Variants in CNTN5 observed in about 807,000 individuals in gnomAD.
CNTN5 encodes the protein contactin 5.
Under a neutral mutation model 129.1 loss-of-function variants are expected in CNTN5, and 77 were observed. The ratio of observed to expected loss-of-function variants is 0.60; its 90% CI spans 0.50 to 0.72. The LOEUF is 0.72. CNTN5 is among the 30% of genes least tolerant of loss of function. The pLI is 0.00. For missense variants in CNTN5, 1,478 were observed against 1,328.8 expected, an observed-to-expected ratio of 1.11 and a Z score of -1.75; for synonymous variants, 509 against 465.6, an observed-to-expected ratio of 1.09 and a Z score of -1.20.
chr11:99,693,082 A>G (rs965440418), intron 3 of CNTN5, among the ~76,000 whole-genome samples: 1 of 152,140 alleles, frequency 6.6e-6, no homozygotes, highest in Non-Finnish European at 1.5e-5. Context: ...TAAAAATTAC[A>G]TAAGCAAGCA....
At chr11:100,077,432 A>G (rs377538138) in intron 13 of CNTN5, among the ~76,000 whole-genome samples, 3 of 152,292 alleles carry the variant, frequency 2.0e-5, no homozygotes, top group East Asian at 3.9e-4. Context: ...GGTTCATTCC[A>G]AAGAACTATT....
chr11:99,036,331 A>C (rs10892671), intron 1 of CNTN5, among the ~76,000 whole-genome samples: 2 of 151,602 alleles, frequency 1.3e-5, no homozygotes, highest in Non-Finnish European at 2.9e-5. Context: ...ATGGAGTTTC[A>C]CTCCCTCAGA....
In CNTN5 at chr11:99,939,117, T is replaced by C. The variant is rs1457507524; in HGVS notation, c.674-17689T>C. Reference sequence around the variant, plus strand: ...AAAAAAATTTAAAAAGATGAACTCATAAGTCAACAAAATACCTTAAAATGG... The same window carrying C: ...AAAAAAATTTAAAAAGATGAACTCACAAGTCAACAAAATACCTTAAAATGG... On this transcript the variant is annotated intron_variant, in intron 7 of 24. Coordinates refer to ENST00000524871, the MANE Select transcript of CNTN5 (RefSeq NM_014361.4). Among the ~76,000 whole-genome samples, 3 of 152,080 alleles carry C rather than the reference T, an allele frequency of 2.0e-5. No homozygotes were observed. In the East Asian group the frequency reaches 5.8e-4, roughly 29 times the overall value.
intron 1 of CNTN5, among the ~76,000 whole-genome samples, chr11:99,264,034 G>T (rs1417944560): frequency 2.0e-5 from 3 of 151,754 alleles, no homozygotes; most frequent in South Asian, 2.1e-4. Flanking sequence ...ATAGACCCTT[G>T]CGATTGAGAA....
chr11:100,100,063 C>T (rs551994673), intron 13 of CNTN5, among the ~76,000 whole-genome samples: 10 of 152,104 alleles, frequency 6.6e-5, no homozygotes, highest in East Asian at 3.9e-4. Flanking sequence ...TTATCTTTTC[C>T]GTTGGTATAA....
intron 13 of CNTN5, among the ~76,000 whole-genome samples, chr11:100,181,621 A>G (rs1432729733): frequency 1.3e-5 from 2 of 152,004 alleles, no homozygotes; most frequent in African/African-American, 2.4e-5. Context: ...AAAAATATCA[A>G]TATGCTGGTT....
At chr11:99,061,914 C>A (rs1009988499) in intron 1 of CNTN5, among the ~76,000 whole-genome samples, 4 of 151,680 alleles carry the variant, frequency 2.6e-5, no homozygotes, top group African/African-American at 9.7e-5. Context: ...ATCACTTGAG[C>A]CCAGGAGTTC....
At chr11:99,796,630 G>A (rs1273057824) in intron 3 of CNTN5, among the ~76,000 whole-genome samples, 1 of 151,910 alleles carries the variant, frequency 6.6e-6, no homozygotes, top group Admixed American at 6.6e-5. Context: ...AACTCCAGGT[G>A]AGGCCAGCAG....
chr11:100,236,846 G>A (rs889903084), intron 16 of CNTN5, among the ~76,000 whole-genome samples: 1 of 151,952 alleles, frequency 6.6e-6, no homozygotes, highest in Admixed American at 6.6e-5. Flanking sequence ...AGCCTTTTAG[G>A]GAATATACAC....
intron 7 of CNTN5, among the ~76,000 whole-genome samples, chr11:99,928,843 G>T (rs1358610361): frequency 1.3e-5 from 2 of 152,164 alleles, no homozygotes; most frequent in Non-Finnish European, 1.5e-5. Context: ...CAGAAAATGG[G>T]TTTTTGTTTC....
At chr11:99,909,720 G>A (rs1249467051) in intron 6 of CNTN5, among the ~76,000 whole-genome samples, 1 of 151,374 alleles carries the variant, frequency 6.6e-6, no homozygotes, top group South Asian at 2.1e-4. Context: ...GACAAAAAAC[G>A]AAACATCGCA....
intron 1 of CNTN5, among the ~76,000 whole-genome samples, chr11:99,300,399 G>C (rs1272251489): frequency 6.6e-6 from 1 of 151,586 alleles, no homozygotes; most frequent in Non-Finnish European, 1.5e-5. Context: ...TTTTTATTCT[G>C]TTCATGTGGT....
At chr11:99,464,655 G>T in intron 2 of CNTN5, among the ~76,000 whole-genome samples, 1 of 152,086 alleles carries the variant, frequency 6.6e-6, no homozygotes, top group Non-Finnish European at 1.5e-5. Flanking sequence ...TATTTATGCA[G>T]TTTTACTATT....
At chr11:99,095,401 G>A (rs975476907) in intron 1 of CNTN5, among the ~76,000 whole-genome samples, 4 of 151,904 alleles carry the variant, frequency 2.6e-5, no homozygotes, top group Admixed American at 2.0e-4. Flanking sequence ...AGTGATAGAT[G>A]TATCCAATAG....
At chr11:99,987,328 A>G (rs1938748348) in intron 8 of CNTN5, among the ~76,000 whole-genome samples, 2 of 152,066 alleles carry the variant, frequency 1.3e-5, no homozygotes, top group Admixed American at 1.3e-4. Flanking sequence ...ATGCCATTAG[A>G]TTGAATAATT....
intron 1 of CNTN5, among the ~76,000 whole-genome samples, chr11:99,156,506 T>G (rs1251884780): frequency 6.6e-6 from 1 of 152,016 alleles, no homozygotes; most frequent in African/African-American, 2.4e-5. Flanking sequence ...ATGACATCAT[T>G]AAAATTTTTA....
At chr11:99,919,667 A>G (rs947991685) in intron 7 of CNTN5, among the ~76,000 whole-genome samples, 6 of 152,142 alleles carry the variant, frequency 3.9e-5, no homozygotes, top group South Asian at 2.1e-4. Flanking sequence ...GTACATTTAT[A>G]TAATTGTGCC....
rs1023918741 is a variant in CNTN5, at chr11:99,923,117, C to A, written c.673+6968C>A. On this transcript the variant is annotated intron_variant, in intron 7 of 24. Coordinates refer to ENST00000524871, the MANE Select transcript of CNTN5 (RefSeq NM_014361.4). ...TATTACCTCAAATAGATGTGCAATG[C>A]CCATTTTTCTTCAAATAAAAGCAAA... 2.3e-4 allele frequency among the ~76,000 whole-genome samples: 35 copies of A among 152,130 alleles called. 1 individual carries two copies.
rs534159008 is a variant in CNTN5 at position 99,356,195 on chromosome 11, C to A, written c.-71+30711C>A. 2.3e-4 allele frequency among the ~76,000 whole-genome samples: 35 copies of A among 152,188 alleles called. No homozygotes were observed. The South Asian group carries it at 6.7e-3, about 29-fold the overall frequency. ...ATATATAATGCCTTAACCACCCCCCCCCAACCAAGTTTTAGTGTGGCTTGT... is the reference window on the plus strand; with the variant it reads ...ATATATAATGCCTTAACCACCCCCCACCAACCAAGTTTTAGTGTGGCTTGT... On this transcript the variant is annotated intron_variant, in intron 2 of 24. Transcript: ENST00000524871.
Sources: gnomAD v4.1 joint callset for allele counts (sites outside exome capture counted in the v4.1 genomes callset) on GRCh38, gnomAD v4.1.1 for gene constraint, MANE v1.5 for transcripts, NCBI Gene and HGNC (gene_info 2026-07-23, HGNC 2026-07-21) for gene names.